The following FBXL4 variants were observed in gnomAD, a reference collection of about 807,000 sequenced individuals.
The protein encoded by FBXL4 is F-box/LRR-repeat protein 4.
FBXL4 carries 40 observed loss-of-function variants against 58.9 expected under a neutral mutation model. The observed-to-expected ratio is 0.68, with a 90% confidence interval of 0.53 to 0.88. FBXL4 has a LOEUF of 0.88. Among genes scored for constraint, FBXL4 ranks in the 40% least tolerant of loss-of-function variants. The probability of loss-of-function intolerance (pLI) is 0.00; values close to 1 mark genes in which losing one functional copy is unlikely to be tolerated. For missense variants in FBXL4, 676 were observed against 734.4 expected (o/e 0.92, Z 0.92); for synonymous variants, 263 against 265.5 (o/e 0.99, Z 0.09).
At position 98,927,694 on chromosome 6, in the gene FBXL4, A is replaced by C. The variant is rs1472686830; in HGVS notation, c.-73+11T>G. ...CTGGTTTGTTGCCAGCTACTCTTAG[A>C]AATCACTCACCCCAGATAGAATGGT... On this transcript the variant is annotated intron_variant, in intron 3 of 9. Coordinates refer to ENST00000369244, the MANE Select transcript of FBXL4 (RefSeq NM_001278716.2). 2.6e-5 allele frequency: 4 copies of C among 152,246 alleles called. No homozygotes were observed. Among genetic ancestry groups the C allele is most frequent in the African/African-American group, 9.7e-5 (4 of 41,450 alleles). 9.4% of individuals were successfully genotyped at this position (152,246 alleles called of 1,614,324 possible). A position where few individuals can be genotyped will look rare whatever the true frequency, so the allele number is the denominator to read the frequency against.
At chr6:98,896,784 G>T (rs1771425876) in intron 7 of FBXL4, 1 of 954,756 alleles carries the variant, frequency 1.0e-6, no homozygotes, top group South Asian at 4.9e-5. Flanking sequence ...TTTTACATCT[G>T]TATTTAAGTA....
intron 7 of FBXL4, among the ~76,000 whole-genome samples, chr6:98,894,469 C>T (rs72627755): frequency 0.021 from 3,159 of 152,208 alleles, 173 homozygotes; most frequent in East Asian, 0.19. Context: ...AAAAATTACC[C>T]TATTTACCAA....
chr6:98,885,244 C>T (rs1770996139), intron 7 of FBXL4, among the ~76,000 whole-genome samples: 1 of 152,162 alleles, frequency 6.6e-6, no homozygotes. Context: ...GCTGGGATTA[C>T]AGGCATGTGC....
intron 5 of FBXL4, among the ~76,000 whole-genome samples, chr6:98,906,289 T>G (rs910473585): frequency 6.6e-6 from 1 of 152,028 alleles, no homozygotes; most frequent in East Asian, 1.9e-4. Flanking sequence ...ACCCGTCACC[T>G]ACATTAGGTA....
intron 4 of FBXL4, among the ~76,000 whole-genome samples, chr6:98,922,372 T>G (rs1310732906): frequency 6.6e-6 from 1 of 152,214 alleles, no homozygotes; most frequent in Non-Finnish European, 1.5e-5. Flanking sequence ...AAATTTTAAA[T>G]GTTCTGGGAC....
At chr6:98,939,506 T>C (rs139906897) in intron 1 of FBXL4, among the ~76,000 whole-genome samples, 109 of 152,314 alleles carry the variant, frequency 7.2e-4, no homozygotes, top group Non-Finnish European at 1.4e-3. Flanking sequence ...GATAAAGTGG[T>C]ATTTCACAAA....
intron 1 of FBXL4, among the ~76,000 whole-genome samples, chr6:98,937,580 G>A (rs1355460807): frequency 6.6e-6 from 1 of 152,162 alleles, no homozygotes; most frequent in Non-Finnish European, 1.5e-5. Context: ...GGAGGAAGAG[G>A]AGGGGTGGTC....
chr6:98,943,013 G>C (rs1477391436), intron 1 of FBXL4, among the ~76,000 whole-genome samples: 3 of 152,054 alleles, frequency 2.0e-5, no homozygotes, highest in Non-Finnish European at 1.5e-5. Flanking sequence ...AGTGTTCACA[G>C]GAATCTACAT....
intron 1 of FBXL4, among the ~76,000 whole-genome samples, chr6:98,943,510 T>A (rs1582465312): frequency 7.2e-6 from 1 of 138,352 alleles, no homozygotes; most frequent in South Asian, 2.2e-4. Context: ...GAGATGGAGG[T>A]TGCAGTGAGC....
chr6:98,915,245 C>T (rs1772291359), intron 5 of FBXL4, among the ~76,000 whole-genome samples: 1 of 151,964 alleles, frequency 6.6e-6, no homozygotes, highest in Admixed American at 6.6e-5. Context: ...CCATACTGCC[C>T]AAGGTAATTT....
intron 4 of FBXL4, among the ~76,000 whole-genome samples, chr6:98,925,247 C>T (rs1474198300): frequency 6.6e-6 from 1 of 152,148 alleles, no homozygotes; most frequent in Non-Finnish European, 1.5e-5. Flanking sequence ...AATTTATAAA[C>T]ATACTCTGTA....
chr6:98,913,254 T>A (rs1772175303), intron 5 of FBXL4, among the ~76,000 whole-genome samples: 1 of 152,058 alleles, frequency 6.6e-6, no homozygotes, highest in South Asian at 2.1e-4. Flanking sequence ...ACTGTCAACA[T>A]TAGACAGATC....
At chr6:98,913,872 C>G (rs1032336528) in intron 5 of FBXL4, among the ~76,000 whole-genome samples, 14 of 152,026 alleles carry the variant, frequency 9.2e-5, no homozygotes, top group African/African-American at 2.9e-4. Context: ...ATTAATGAAT[C>G]CAGAAGCTGG....
At chr6:98,915,761 A>C (rs555243738) in intron 5 of FBXL4, among the ~76,000 whole-genome samples, 7,322 of 151,930 alleles carry the variant, frequency 0.048, 242 homozygotes, top group Middle Eastern at 0.11. Flanking sequence ...TAGACATGGG[A>C]AAGGACTTCA....
At chr6:98,936,760 T>A (rs1217151626) in intron 1 of FBXL4, among the ~76,000 whole-genome samples, 1 of 152,218 alleles carries the variant, frequency 6.6e-6, no homozygotes, top group Non-Finnish European at 1.5e-5. Flanking sequence ...TCAGTGGTAG[T>A]TAAGCTTATG....
Position 98,925,166 on chromosome 6 carries a change from G to A in FBXL4, c.512+1311C>T, listed in dbSNP as rs535472835. Among the ~76,000 whole-genome samples, 9 of 152,262 alleles carry A rather than the reference G, an allele frequency of 5.9e-5. No individual in the cohort carries two copies. In the East Asian group the frequency reaches 1.7e-3, roughly 29 times the overall value. ...AACATATGAAAAGATTTCAACCTCAGAGATAATAAAAGAATTTTAACAGTT... is the reference window on the plus strand; with the variant it reads ...AACATATGAAAAGATTTCAACCTCAAAGATAATAAAAGAATTTTAACAGTT... On this transcript the variant is annotated intron_variant, in intron 4 of 9. Coordinates refer to ENST00000369244, the MANE Select transcript of FBXL4 (RefSeq NM_001278716.2).
intron 5 of FBXL4, among the ~76,000 whole-genome samples, chr6:98,916,116 G>C (rs963211786): frequency 1.3e-5 from 2 of 151,948 alleles, no homozygotes; most frequent in African/African-American, 2.4e-5. Context: ...ACCACAATGA[G>C]ATACCATCTC....
intron 7 of FBXL4, among the ~76,000 whole-genome samples, chr6:98,883,715 G>C (rs775446284): frequency 6.6e-6 from 1 of 151,400 alleles, no homozygotes; most frequent in South Asian, 2.1e-4. Flanking sequence ...TTCCATATAC[G>C]CATGAGTCTA....
intron 1 of FBXL4, among the ~76,000 whole-genome samples, chr6:98,941,032 C>T (rs533615127): frequency 3.3e-5 from 5 of 152,228 alleles, no homozygotes; most frequent in Admixed American, 1.3e-4. Flanking sequence ...AAGGTCCATC[C>T]GCCCTTACCA....
Sources: allele counts gnomAD v4.1 joint callset (sites outside exome capture counted in the v4.1 genomes callset), GRCh38; gene constraint gnomAD v4.1.1; transcripts MANE v1.5; gene names NCBI Gene and HGNC (gene_info 2026-07-23, HGNC 2026-07-21).